Variants in EIF4E3 observed in about 807,000 individuals in gnomAD.
The protein encoded by EIF4E3 is eukaryotic translation initiation factor 4E type 3.
A neutral mutation model predicts 31.7 loss-of-function variants in EIF4E3; 26 were observed. That is an observed-to-expected ratio of 0.82 (90% confidence interval 0.60 to 1.14). The LOEUF is 1.14. EIF4E3 is among the 50% of genes most tolerant of loss of function. EIF4E3 has a pLI of 0.00. For missense variants in EIF4E3, 304 were observed against 270.9 expected (o/e 1.12, Z -0.86); for synonymous variants, 128 against 107.7 (o/e 1.19, Z -1.17).
intron 1 of EIF4E3, chr3:71,753,432 A>C (rs934638093): frequency 6.6e-5 from 10 of 151,934 alleles, no homozygotes; most frequent in Admixed American, 3.3e-4. Context: ...CCGTGACCCC[A>C]GCGCGGGCGC....
Position 71,680,061 on chromosome 3 carries a change from G to A in EIF4E3, c.*4621C>T, listed in dbSNP as rs1034309957. 2 of 152,166 alleles carry A rather than the reference G, an allele frequency of 1.3e-5. No homozygotes were observed. The highest frequency in any genetic ancestry group is 2.9e-5 in the Non-Finnish European group (2 of 68,038). 9.4% of individuals were successfully genotyped at this position (152,166 alleles called of 1,614,324 possible). A position where few individuals can be genotyped will look rare whatever the true frequency, so the allele number is the denominator to read the frequency against. On this transcript the variant is annotated 3_prime_UTR_variant, in exon 7 of 7. Coordinates refer to ENST00000425534, the MANE Select transcript of EIF4E3 (RefSeq NM_001134651.2). The stretch of plus-strand genomic sequence containing the variant: ...TGGACTTCCAGGGATGGGCTCCCAT[G>A]ACTGCTGTGGTCCCAGCCATAAAGT...
intron 6 of EIF4E3, among the ~76,000 whole-genome samples, chr3:71,688,866 T>C (rs949648657): frequency 6.6e-6 from 1 of 152,206 alleles, no homozygotes; most frequent in African/African-American, 2.4e-5. Flanking sequence ...ATTCAGAATA[T>C]CTGTAGTGCC....
chr3:71,735,029 C>A (rs751164361), intron 1 of EIF4E3, among the ~76,000 whole-genome samples: 1 of 152,078 alleles, frequency 6.6e-6, no homozygotes, highest in Non-Finnish European at 1.5e-5. Context: ...TTGGTCAAAT[C>A]TTTTATCAGA....
intron 1 of EIF4E3, among the ~76,000 whole-genome samples, chr3:71,740,646 A>T (rs577277623): frequency 6.6e-6 from 1 of 152,150 alleles, no homozygotes; most frequent in African/African-American, 2.4e-5. Flanking sequence ...AAGTGGGAGG[A>T]CACCTGAACC....
intron 5 of EIF4E3, among the ~76,000 whole-genome samples, chr3:71,693,376 C>A (rs1270254606): frequency 2.6e-5 from 4 of 152,142 alleles, no homozygotes; most frequent in African/African-American, 9.7e-5. Flanking sequence ...CACTCTAGTC[C>A]TCTTTGAGCA....
intron 2 of EIF4E3, among the ~76,000 whole-genome samples, chr3:71,700,953 C>T (rs75292835): frequency 6.6e-6 from 1 of 152,060 alleles, no homozygotes; most frequent in Non-Finnish European, 1.5e-5. Context: ...GGCTTGGTGT[C>T]CTTATGAGAA....
At chr3:71,751,000 G>C (rs1331096116) in intron 1 of EIF4E3, among the ~76,000 whole-genome samples, 2 of 151,814 alleles carry the variant, frequency 1.3e-5, no homozygotes, top group East Asian at 3.9e-4. Flanking sequence ...CTGACCTCAT[G>C]ATCCACCCGC....
intron 1 of EIF4E3, among the ~76,000 whole-genome samples, chr3:71,724,329 C>A (rs532366441): frequency 6.6e-6 from 1 of 152,276 alleles, no homozygotes; most frequent in South Asian, 2.1e-4. Context: ...GCTCTTTTAT[C>A]CTTAACTGAG....
At chr3:71,664,358 T>G in the EIF4E3 span, among the ~76,000 whole-genome samples, 1 of 151,978 alleles carries the variant, frequency 6.6e-6, no homozygotes, top group African/African-American at 2.4e-5. Flanking sequence ...TGGATTTTTT[T>G]GGGTTTTGTC....
Position 71,696,473 on chromosome 3 carries a change from G to A in EIF4E3, c.392C>T (p.Pro131Leu), listed in dbSNP as rs756639426. The change falls in exon 4 of 7, where the codon CCC (proline) becomes CTC (leucine). Residue 131 changes from proline (P) to leucine (L), a missense_variant. Transcript: ENST00000425534. The part of the protein sequence containing the change: ...AKGGVWKMKV[P>L]KDSTSTVWKE... ...GTAGGAACCTACCGTGCTGTCCTTGGGGACTTTCATCTTCCATACGCCACC... is the reference window on the plus strand; with the variant it reads ...GTAGGAACCTACCGTGCTGTCCTTGAGGACTTTCATCTTCCATACGCCACC... 1.9e-6 allele frequency: 3 copies of A among 1,613,954 alleles called. No homozygotes were observed. Among genetic ancestry groups the A allele is most frequent in the South Asian group, 1.1e-5 (1 of 91,070 alleles).
intron 1 of EIF4E3, among the ~76,000 whole-genome samples, chr3:71,724,370 T>C (rs1361659402): frequency 6.6e-6 from 1 of 152,198 alleles, no homozygotes; most frequent in Non-Finnish European, 1.5e-5. Context: ...GGAGACAGAC[T>C]GAAAGTAAAC....
At chr3:71,754,166 C>G, upstream of EIF4E3, 1 of 1,456,784 alleles carries the variant, frequency 6.9e-7, no homozygotes, top group South Asian at 1.2e-5. This position sits in a 1 kb window ranked among gnomAD's most constrained non-coding sequence, Gnocchi z 5.8. Context: ...ACGTGCTGTT[C>G]GCGCTGCTGA....
chr3:71,704,812 T>C (rs2049266946), intron 2 of EIF4E3, among the ~76,000 whole-genome samples: 1 of 152,140 alleles, frequency 6.6e-6, no homozygotes, highest in Admixed American at 6.5e-5. Flanking sequence ...AGTGACTAAA[T>C]TACTTTTAAT....
chr3:71,717,732 T>C (rs2049486621), intron 1 of EIF4E3, among the ~76,000 whole-genome samples: 1 of 152,218 alleles, frequency 6.6e-6, no homozygotes, highest in Non-Finnish European at 1.5e-5. Flanking sequence ...AAATCCTGTT[T>C]CTGTTCTATA....
chr3:71,661,792 T>C, the EIF4E3 span, among the ~76,000 whole-genome samples: 3 of 152,196 alleles, frequency 2.0e-5, no homozygotes, highest in Non-Finnish European at 4.4e-5. Flanking sequence ...TCTGAGCCTC[T>C]GTTTCCTCAT....
At chr3:71,675,255 C>A (rs910340199), downstream of EIF4E3, among the ~76,000 whole-genome samples, 7 of 152,170 alleles carry the variant, frequency 4.6e-5, no homozygotes, top group Non-Finnish European at 1.0e-4. Flanking sequence ...CCGGAATTGG[C>A]CGTGAATATG....
rs2048965386 is a variant in EIF4E3, at chr3:71,684,585, G to T, written c.*97C>A. ...ACAGAAACCCACTCTAAATTGACCA[G>T]CATCGGCTTCGGCAAGTCTTCTCTT... On this transcript the variant is annotated 3_prime_UTR_variant, in exon 7 of 7. Coordinates refer to ENST00000425534, the MANE Select transcript of EIF4E3 (RefSeq NM_001134651.2). The T allele has an allele frequency of 1.8e-5, 27 of 1,469,594 alleles. No individual in the cohort carries two copies. The highest frequency in any genetic ancestry group is 2.5e-5 in the Non-Finnish European group (26 of 1,057,334). The allele number at this position is 1,469,594 out of a possible 1,614,324, so 91.0% of individuals were successfully genotyped here.
At chr3:71,707,881 T>C (rs1428457280) in intron 2 of EIF4E3, among the ~76,000 whole-genome samples, 4 of 150,996 alleles carry the variant, frequency 2.6e-5, no homozygotes, top group Non-Finnish European at 5.9e-5. Flanking sequence ...CTTTTTTTTT[T>C]TTTTTTTGAG....
At chr3:71,739,348 G>A (rs1042015368) in intron 1 of EIF4E3, among the ~76,000 whole-genome samples, 5 of 151,952 alleles carry the variant, frequency 3.3e-5, no homozygotes, top group African/African-American at 4.8e-5. Flanking sequence ...AAATAGAGAT[G>A]TTTTCAGATA....
Sources: gnomAD v4.1 joint callset for allele counts (sites outside exome capture counted in the v4.1 genomes callset) on GRCh38, gnomAD v4.1.1 for gene constraint, Gnocchi (gnomAD v3.1) non-coding constraint, MANE v1.5 for transcripts, NCBI Gene and HGNC (gene_info 2026-07-23, HGNC 2026-07-21) for gene names.